The following ATP6V1E1 variants were observed in gnomAD, a reference collection of about 807,000 sequenced individuals.
ATP6V1E1 encodes the protein V-type proton ATPase subunit E 1.
In ATP6V1E1, 21 loss-of-function variants were observed where a neutral mutation model predicts 35.2. That is an observed-to-expected ratio of 0.60 (90% confidence interval 0.42 to 0.86). ATP6V1E1 has a LOEUF of 0.86. ATP6V1E1 is among the 40% of genes least tolerant of loss of function. ATP6V1E1 has a pLI of 0.00. For missense variants in ATP6V1E1, 183 were observed against 272.6 expected (o/e 0.67, Z 2.32); for synonymous variants, 83 against 87.8 (o/e 0.95, Z 0.30).
At chr22:17,606,777 A>C (rs555227477) in intron 4 of ATP6V1E1, among the ~76,000 whole-genome samples, 184 of 152,268 alleles carry the variant, frequency 1.2e-3, no homozygotes, top group African/African-American at 4.0e-3. Flanking sequence ...GCTCTGGCAA[A>C]TGTGAAAAAC....
chr22:17,626,782 G>A (rs927365226), intron 1 of ATP6V1E1, among the ~76,000 whole-genome samples: 2 of 151,882 alleles, frequency 1.3e-5, no homozygotes, highest in African/African-American at 2.4e-5. Flanking sequence ...TGCCCACCTC[G>A]GCCTTCCAAA....
At position 17,628,710 on chromosome 22, in the gene ATP6V1E1, A is replaced by C; in HGVS notation, c.-75T>G. On this transcript the variant is annotated 5_prime_UTR_variant, in exon 1 of 9. Transcript: ENST00000253413. ...AAAGGTGAGGTGAGAGAAATCGGCA[A>C]AGGGAACCCCTGCGCAGATCTCGGG... 1.9e-6 allele frequency: 3 copies of C among 1,594,220 alleles called. No individual in the cohort carries two copies. Among genetic ancestry groups the C allele is most frequent in the Non-Finnish European group, 2.6e-6 (3 of 1,162,484 alleles).
chr22:17,620,669 GCTCT>G (rs1185275987), intron 1 of ATP6V1E1, among the ~76,000 whole-genome samples: 1 of 152,060 alleles, frequency 6.6e-6, no homozygotes, highest in Non-Finnish European at 1.5e-5. Flanking sequence ...CTCACTTTGA[GCTCT>G]CTCTCAGGGA....
At chr22:17,594,484 C>A in intron 8 of ATP6V1E1, 45 bp downstream of exon 8, 2 of 1,413,070 alleles carry the variant, frequency 1.4e-6, no homozygotes, top group Non-Finnish European at 1.9e-6. Context: ...TGTCCCACTT[C>A]AAAGTAACAG....
At chr22:17,624,927 G>A (rs1222959488) in intron 1 of ATP6V1E1, among the ~76,000 whole-genome samples, 3 of 152,128 alleles carry the variant, frequency 2.0e-5, no homozygotes, top group Non-Finnish European at 4.4e-5. Context: ...GACAAGGAGG[G>A]AAGAAAGGGA....
At chr22:17,598,895 G>A (rs186188908) in intron 6 of ATP6V1E1, among the ~76,000 whole-genome samples, 48 of 152,178 alleles carry the variant, frequency 3.2e-4, no homozygotes, top group African/African-American at 1.1e-3. Context: ...ATTCACAACA[G>A]CCAAAAGGTG....
chr22:17,592,804 T>C lies in ATP6V1E1; in HGVS notation c.619-68A>G, dbSNP rs866826103. 5,853 of 1,093,150 alleles carry C rather than the reference T, an allele frequency of 5.4e-3. 165 individuals carry two copies. The African/African-American group carries it at 0.089, about 17-fold the overall frequency. 67.7% of individuals were successfully genotyped at this position (1,093,150 alleles called of 1,614,324 possible). On this transcript the variant is annotated intron_variant, in intron 8 of 8. Coordinates refer to ENST00000253413, the MANE Select transcript of ATP6V1E1 (RefSeq NM_001696.4). ...AAGTTGTAGAGCGCTGCACATCTTT[T>C]TTTTTTTTTTTTTTTTGAGACGGAG...
chr22:17,625,866 TA>T (rs563941793), intron 1 of ATP6V1E1, among the ~76,000 whole-genome samples: 6,295 of 139,060 alleles, frequency 0.045, 301 homozygotes, highest in African/African-American at 0.13. Context: ...GTATGGCACT[TA>T]AAAAAAAAAA....
intron 4 of ATP6V1E1, among the ~76,000 whole-genome samples, chr22:17,606,832 T>G (rs2057789105): frequency 6.6e-6 from 1 of 152,238 alleles, no homozygotes; most frequent in South Asian, 2.1e-4. Flanking sequence ...CTCTTCCCAC[T>G]GTCATTCTCT....
At position 17,610,844 on chromosome 22, in the gene ATP6V1E1, G is replaced by A. The variant is rs554556320; in HGVS notation, c.276+1968C>T. Among the ~76,000 whole-genome samples the A allele has an allele frequency of 5.3e-5, 8 of 152,296 alleles. No individual in the cohort carries two copies. In the South Asian group the frequency reaches 1.5e-3, roughly 28 times the overall value. Reference sequence around the variant, plus strand: ...AGGAAGGGTTATCACTGGTGGAGACGGAGATGGGGTTGGAGAAAGGGAACT... The same window carrying A: ...AGGAAGGGTTATCACTGGTGGAGACAGAGATGGGGTTGGAGAAAGGGAACT... On this transcript the variant is annotated intron_variant, in intron 4 of 8. Coordinates refer to ENST00000253413, the MANE Select transcript of ATP6V1E1 (RefSeq NM_001696.4).
At chr22:17,617,764 G>C (rs1170052005) in intron 2 of ATP6V1E1, among the ~76,000 whole-genome samples, 1 of 152,110 alleles carries the variant, frequency 6.6e-6, no homozygotes, top group East Asian at 1.9e-4. Flanking sequence ...TTTGTAATGG[G>C]TGGGGTTTTC....
chr22:17,619,426 T>G lies in ATP6V1E1; in HGVS notation c.99+35A>C. ...AGCAAAGCAAAACAATATGGAAACC[T>G]TGATAACTTCTTAAAACTAGAAAAT... is the stretch of plus-strand genomic sequence containing the variant. On this transcript the variant is annotated intron_variant, in intron 2 of 8. Coordinates refer to ENST00000253413, the MANE Select transcript of ATP6V1E1 (RefSeq NM_001696.4). 3 of 1,557,626 alleles carry G rather than the reference T, an allele frequency of 1.9e-6. No individual in the cohort carries two copies. The African/African-American group carries it at 4.1e-5, about 21-fold the overall frequency.
chr22:17,627,276 C>T (rs770240638), intron 1 of ATP6V1E1, among the ~76,000 whole-genome samples: 3 of 151,792 alleles, frequency 2.0e-5, no homozygotes, highest in African/African-American at 4.8e-5. Context: ...TACAGGCGCC[C>T]GCCACCATGC....
Position 17,599,836 on chromosome 22 carries a change from A to G in ATP6V1E1, c.435+191T>C, listed in dbSNP as rs8137221. ...TCTACTCGGGAGGCTGAGGCAGGAGAATCGCTTGAACCCGGCAGGCAGAGG... is the reference window on the plus strand; with the variant it reads ...TCTACTCGGGAGGCTGAGGCAGGAGGATCGCTTGAACCCGGCAGGCAGAGG... On this transcript the variant is annotated intron_variant, in intron 6 of 8. Coordinates refer to ENST00000253413, the MANE Select transcript of ATP6V1E1 (RefSeq NM_001696.4). Among the ~76,000 whole-genome samples the G allele has an allele frequency of 0.13, 19,350 of 151,414 alleles. 1,303 individuals carry two copies. Among genetic ancestry groups the G allele is most frequent in the Middle Eastern group, 0.21 (63 of 294 alleles).
At position 17,592,626 on chromosome 22, in the gene ATP6V1E1, T is replaced by C; in HGVS notation, c.*48A>G. ...CGTGTTTCTTCAAATATCAGAAGCT[T>C]CCACATCACAGCAGGAGAGCTGACG... On this transcript the variant is annotated 3_prime_UTR_variant, in exon 9 of 9. Coordinates refer to ENST00000253413, the MANE Select transcript of ATP6V1E1 (RefSeq NM_001696.4). 6.4e-7 allele frequency: 1 copy of C among 1,565,070 alleles called. No individual in the cohort carries two copies. The highest frequency in any genetic ancestry group is 1.4e-5 in the African/African-American group (1 of 73,794).
intron 4 of ATP6V1E1, among the ~76,000 whole-genome samples, chr22:17,609,115 AAAC>A (rs142640625): frequency 0.32 from 36,439 of 112,124 alleles, 4,518 homozygotes; most frequent in African/African-American, 0.39. Flanking sequence ...AAAACAAAAC[AAAC>A]AAACAAACAA....
At chr22:17,619,315 G>T (rs2057863447) in intron 2 of ATP6V1E1, 146 bp downstream of exon 2, 2 of 739,520 alleles carry the variant, frequency 2.7e-6, no homozygotes, top group Non-Finnish European at 4.4e-6. Flanking sequence ...AATGAAGGAA[G>T]GAAGGAGGGG....
chr22:17,597,015 G>A (rs565327429), intron 7 of ATP6V1E1, among the ~76,000 whole-genome samples: 2 of 152,068 alleles, frequency 1.3e-5, no homozygotes, highest in South Asian at 2.1e-4. Flanking sequence ...GGCCGAGCGG[G>A]CAGATCACGA....
chr22:17,613,868 G>A (rs2057828317), intron 2 of ATP6V1E1, among the ~76,000 whole-genome samples: 1 of 152,218 alleles, frequency 6.6e-6, no homozygotes, highest in African/African-American at 2.4e-5. Flanking sequence ...TCAGGAGGCT[G>A]AGGCAGGACA....
Sources: gnomAD v4.1 joint callset for allele counts (sites outside exome capture counted in the v4.1 genomes callset) on GRCh38, gnomAD v4.1.1 for gene constraint, MANE v1.5 for transcripts, NCBI Gene and HGNC (gene_info 2026-07-23, HGNC 2026-07-21) for gene names.